PTPRG: variants seen among roughly 807,000 people sequenced by gnomAD.
PTPRG encodes the protein protein tyrosine phosphatase receptor type G.
Under a neutral mutation model 165.3 loss-of-function variants are expected in PTPRG, and 102 were observed. The ratio of observed to expected loss-of-function variants is 0.62; its 90% CI spans 0.53 to 0.73. The LOEUF (loss-of-function observed/expected upper bound fraction) is 0.73, where lower values mean the gene tolerates loss of function less well. Among genes scored for constraint, PTPRG ranks in the 30% least tolerant of loss-of-function variants. PTPRG has a pLI of 0.00. For missense variants in PTPRG, 1,866 were observed against 1,861.4 expected, an observed-to-expected ratio of 1.00 and a Z score of -0.05; for synonymous variants, 675 against 669.5, an observed-to-expected ratio of 1.01 and a Z score of -0.13.
intron 2 of PTPRG, among the ~76,000 whole-genome samples, chr3:61,894,041 C>T (rs1049134575): frequency 2.6e-5 from 4 of 151,972 alleles, no homozygotes; most frequent in Admixed American, 2.6e-4. Context: ...GAAATGGTCA[C>T]GCCTCTAATC....
intron 1 of PTPRG, among the ~76,000 whole-genome samples, chr3:61,662,719 C>T (rs771988054): frequency 1.3e-5 from 2 of 152,104 alleles, no homozygotes; most frequent in Non-Finnish European, 2.9e-5. Context: ...TGTTGCAGAA[C>T]TAGGTAAGGC....
intron 2 of PTPRG, among the ~76,000 whole-genome samples, chr3:61,810,522 T>C (rs937555097): frequency 8.5e-5 from 13 of 152,166 alleles, no homozygotes; most frequent in Admixed American, 8.5e-4. Flanking sequence ...TAGCATTGTT[T>C]AAACCTCTTT....
intron 3 of PTPRG, among the ~76,000 whole-genome samples, chr3:61,999,881 A>G (rs1460919693): frequency 6.6e-6 from 1 of 152,222 alleles, no homozygotes. Context: ...GGGTTATATT[A>G]GCACCCAACT....
chr3:62,153,940 G>A (rs1218545241), intron 6 of PTPRG, among the ~76,000 whole-genome samples: 1 of 152,162 alleles, frequency 6.6e-6, no homozygotes, highest in Non-Finnish European at 1.5e-5. Flanking sequence ...GATGTTTTCT[G>A]CTCTCCAGGC....
chr3:61,733,060 C>T (rs1182755818), intron 1 of PTPRG, among the ~76,000 whole-genome samples: 1 of 152,080 alleles, frequency 6.6e-6, no homozygotes, highest in African/African-American at 2.4e-5. Flanking sequence ...CTTAAAAGGA[C>T]AGTCAAAAAC....
chr3:62,043,304 C>A (rs1277318735), intron 4 of PTPRG, among the ~76,000 whole-genome samples: 1 of 152,178 alleles, frequency 6.6e-6, no homozygotes, highest in Non-Finnish European at 1.5e-5. Context: ...TTTTCATATC[C>A]TATTTTCTCT....
chr3:61,950,350 C>G (rs893210891), intron 2 of PTPRG, among the ~76,000 whole-genome samples: 4 of 152,068 alleles, frequency 2.6e-5, no homozygotes, highest in Admixed American at 6.6e-5. Flanking sequence ...TTTCTGAATG[C>G]TTGATTGTGA....
At chr3:61,868,007 C>G (rs1319870221) in intron 2 of PTPRG, among the ~76,000 whole-genome samples, 1 of 152,138 alleles carries the variant, frequency 6.6e-6, no homozygotes, top group African/African-American at 2.4e-5. Context: ...CTTGGCCATC[C>G]AGTAGATAAA....
At chr3:61,582,091 C>G (rs753725497) in intron 1 of PTPRG, among the ~76,000 whole-genome samples, 2 of 152,082 alleles carry the variant, frequency 1.3e-5, no homozygotes, top group African/African-American at 2.4e-5. Flanking sequence ...TCTCAGCCTC[C>G]CGCATAACTG....
chr3:62,133,726 T>G (rs894616664), intron 6 of PTPRG, among the ~76,000 whole-genome samples: 7 of 152,214 alleles, frequency 4.6e-5, no homozygotes, highest in African/African-American at 1.7e-4. Flanking sequence ...GGCTTATGCC[T>G]GTAATCCCAG....
intron 1 of PTPRG, among the ~76,000 whole-genome samples, chr3:61,568,008 T>C (rs1026934332): frequency 8.6e-5 from 12 of 140,300 alleles, no homozygotes; most frequent in African/African-American, 3.1e-4. Context: ...GTCTGAGAAA[T>C]GGGAGCAACC....
chr3:62,277,824 G>C (rs1243330104), intron 26 of PTPRG, 145 bp downstream of exon 26: 1 of 998,356 alleles, frequency 1.0e-6, no homozygotes, highest in Non-Finnish European at 1.4e-6. Flanking sequence ...GAAGTCTGTG[G>C]AGATTCCTTT....
intron 2 of PTPRG, among the ~76,000 whole-genome samples, chr3:61,799,234 G>T (rs2035159242): frequency 6.6e-6 from 1 of 151,780 alleles, no homozygotes; most frequent in Non-Finnish European, 1.5e-5. Context: ...ATTTACATTA[G>T]GTTGGTACAT....
chr3:61,904,499 C>G lies in PTPRG; in HGVS notation c.191-85126C>G, dbSNP rs116503722. ...GGACTTTTTGAGAGTGACGGTGGTACAGTATTTCACTGTTTGTAGCATGCC... is the reference window on the plus strand; with the variant it reads ...GGACTTTTTGAGAGTGACGGTGGTAGAGTATTTCACTGTTTGTAGCATGCC... On this transcript the variant is annotated intron_variant, in intron 2 of 29. Transcript: ENST00000474889. Among the ~76,000 whole-genome samples, 188 of 152,140 alleles carry G rather than the reference C, an allele frequency of 1.2e-3. 1 individual carries two copies. Among genetic ancestry groups the G allele is most frequent in the African/African-American group, 4.4e-3 (183 of 41,502 alleles).
chr3:61,756,120 A>G (rs552037985), intron 2 of PTPRG, among the ~76,000 whole-genome samples: 2 of 152,296 alleles, frequency 1.3e-5, no homozygotes, highest in East Asian at 1.9e-4. Flanking sequence ...GTAAATGAGG[A>G]GTGGTGGGTT....
At chr3:61,700,095 C>G (rs1260233123) in intron 1 of PTPRG, among the ~76,000 whole-genome samples, 1 of 152,044 alleles carries the variant, frequency 6.6e-6, no homozygotes, top group Non-Finnish European at 1.5e-5. Context: ...AAATGGGTGG[C>G]TCTGAAAATC....
At chr3:61,838,555 T>C (rs1182000722) in intron 2 of PTPRG, among the ~76,000 whole-genome samples, 1 of 152,226 alleles carries the variant, frequency 6.6e-6, no homozygotes, top group African/African-American at 2.4e-5. Flanking sequence ...TTCAACAGTT[T>C]ATGGCTGGGC....
chr3:62,031,010 CG>C (rs1699752294), intron 4 of PTPRG, among the ~76,000 whole-genome samples: 5 of 152,118 alleles, frequency 3.3e-5, no homozygotes, highest in Non-Finnish European at 7.4e-5. Context: ...ACTGGCTAAA[CG>C]GGCAACTCTA....
intron 1 of PTPRG, among the ~76,000 whole-genome samples, chr3:61,705,224 A>T (rs916387578): frequency 5.9e-5 from 9 of 152,202 alleles, no homozygotes; most frequent in Non-Finnish European, 1.2e-4. Flanking sequence ...GTTAGTGAAG[A>T]TGCCTGCGCT....
Sources: allele counts gnomAD v4.1 joint callset (sites outside exome capture counted in the v4.1 genomes callset), GRCh38; gene constraint gnomAD v4.1.1; transcripts MANE v1.5; gene names NCBI Gene and HGNC (gene_info 2026-07-23, HGNC 2026-07-21).